RBPMS: variants seen among roughly 807,000 people sequenced by gnomAD.
RBPMS encodes the protein RNA-binding protein with multiple splicing.
RBPMS carries 7 observed loss-of-function variants against 26.8 expected under a neutral mutation model. The ratio of observed to expected loss-of-function variants is 0.26; its 90% confidence interval spans 0.15 to 0.49. The LOEUF (loss-of-function observed/expected upper bound fraction) is 0.49, where lower values mean the gene tolerates loss of function less well. Ranked by LOEUF, RBPMS falls within the 20% of genes least tolerant of loss-of-function variation. The pLI is 0.98. For missense variants in RBPMS, 186 were observed against 250.0 expected (o/e 0.74, Z 1.73); for synonymous variants, 96 against 93.3 (o/e 1.03, Z -0.17).
chr8:30,485,547 T>C (rs1179871653), intron 4 of RBPMS, among the ~76,000 whole-genome samples: 2 of 152,240 alleles, frequency 1.3e-5, no homozygotes, highest in Non-Finnish European at 2.9e-5. Flanking sequence ...TTGCAGACTT[T>C]TAAGGCAGCC....
At chr8:30,393,296 T>G (rs1276253292) in intron 1 of RBPMS, among the ~76,000 whole-genome samples, 5 of 152,100 alleles carry the variant, frequency 3.3e-5, no homozygotes, top group Non-Finnish European at 7.4e-5. Flanking sequence ...CTCCCAAACT[T>G]GCCATTAATT....
At chr8:30,443,053 T>A (rs1344687084) in intron 1 of RBPMS, among the ~76,000 whole-genome samples, 1 of 152,190 alleles carries the variant, frequency 6.6e-6, no homozygotes, top group Non-Finnish European at 1.5e-5. Flanking sequence ...AGCACGTGCT[T>A]AAGTATTCTC....
chr8:30,390,639 C>G (rs1392443888), intron 1 of RBPMS, among the ~76,000 whole-genome samples: 7 of 152,276 alleles, frequency 4.6e-5, no homozygotes, highest in African/African-American at 1.7e-4. Context: ...TACATTTTTG[C>G]AAGATCCCCC....
rs142028535 is a variant in RBPMS at position 30,497,166 on chromosome 8, C to A, written c.247-7120C>A. On this transcript the variant is annotated intron_variant, in intron 4 of 8. Coordinates refer to ENST00000397323, the MANE Select transcript of RBPMS (RefSeq NM_001008710.3). ...AACTTCTAAAAAGGCAAAAAAAATTCTTTCTGCTTCATTTCCTTTTCTCCT... is the reference window on the plus strand; with the variant it reads ...AACTTCTAAAAAGGCAAAAAAAATTATTTCTGCTTCATTTCCTTTTCTCCT... 7.2e-5 allele frequency among the ~76,000 whole-genome samples: 11 copies of A among 152,270 alleles called. No individual in the cohort carries two copies. The East Asian group carries it at 1.5e-3, about 21-fold the overall frequency.
At chr8:30,458,497 A>G (rs1191114374) in intron 1 of RBPMS, among the ~76,000 whole-genome samples, 1 of 152,088 alleles carries the variant, frequency 6.6e-6, no homozygotes, top group African/African-American at 2.4e-5. Context: ...TGGGATTCAA[A>G]CCCAGGCAGT....
chr8:30,386,069 CAGTTG>C (rs747109943), intron 1 of RBPMS, among the ~76,000 whole-genome samples: 6 of 152,198 alleles, frequency 3.9e-5, no homozygotes, highest in Non-Finnish European at 5.9e-5. Flanking sequence ...ACATCCCACA[CAGTTG>C]AGTTCTTAAA....
intron 6 of RBPMS, among the ~76,000 whole-genome samples, chr8:30,548,961 G>C (rs1414305874): frequency 6.6e-6 from 1 of 152,244 alleles, no homozygotes; most frequent in East Asian, 1.9e-4. Flanking sequence ...GGGGTGTCTC[G>C]AGGGCAGTGC....
chr8:30,464,528 A>G (rs1816286001), intron 1 of RBPMS, among the ~76,000 whole-genome samples: 1 of 152,192 alleles, frequency 6.6e-6, no homozygotes, highest in African/African-American at 2.4e-5. Context: ...AGTTCCTCAG[A>G]TAGAGTTTGT....
At chr8:30,510,699 C>G (rs1487456100) in intron 5 of RBPMS, among the ~76,000 whole-genome samples, 1 of 152,126 alleles carries the variant, frequency 6.6e-6, no homozygotes, top group East Asian at 1.9e-4. Flanking sequence ...TCTACCTCAG[C>G]CTTCCAAATA....
intron 6 of RBPMS, chr8:30,547,265 G>C: frequency 6.8e-7 from 1 of 1,476,908 alleles, no homozygotes; most frequent in East Asian, 2.3e-5. Flanking sequence ...GCTCTATTTT[G>C]AGACATGGAT....
At chr8:30,452,772 G>T (rs1814738931) in intron 1 of RBPMS, among the ~76,000 whole-genome samples, 1 of 152,214 alleles carries the variant, frequency 6.6e-6, no homozygotes, top group Non-Finnish European at 1.5e-5. Flanking sequence ...ATTTATCAGA[G>T]AATGTGGGAG....
rs575167675 is a variant in RBPMS at position 30,555,938 on chromosome 8, C to T, written c.529-2949C>T. 61 of 985,478 alleles carry T rather than the reference C, an allele frequency of 6.2e-5. No individual in the cohort carries two copies. In the African/African-American group the frequency reaches 1.0e-3, roughly 16 times the overall value. The allele number at this position is 985,478 out of a possible 1,614,324, so 61.0% of individuals were successfully genotyped here. ...CACCGGGCCGGCTGCCCGAACTCTG[C>T]TGTGCACCATGAGCCCTGCCGCTCT... On this transcript the variant is annotated intron_variant, in intron 6 of 8. Transcript: ENST00000397323.
rs1301504356 is a variant in RBPMS, at chr8:30,467,141, CA to C, written c.67-7637del. On this transcript the variant is annotated intron_variant, in intron 1 of 8. Coordinates refer to ENST00000397323, the MANE Select transcript of RBPMS (RefSeq NM_001008710.3). ...GCTGCAATCAGAATTAAATGCTTGA[CA>C]GGCCATATTAATGGTTGCAGTAATC... Among the ~76,000 whole-genome samples the C allele has an allele frequency of 7.2e-5, 11 of 152,336 alleles. No individual in the cohort carries two copies. In the South Asian group the frequency reaches 2.3e-3, roughly 32 times the overall value.
At chr8:30,507,159 A>G (rs1481215647) in intron 5 of RBPMS, among the ~76,000 whole-genome samples, 1 of 152,174 alleles carries the variant, frequency 6.6e-6, no homozygotes, top group Non-Finnish European at 1.5e-5. Flanking sequence ...CCTGCTGTGG[A>G]GAACTTTGGC....
intron 1 of RBPMS, among the ~76,000 whole-genome samples, chr8:30,421,164 TGA>T (rs376542372): frequency 5.3e-5 from 8 of 151,256 alleles, no homozygotes; most frequent in Admixed American, 2.7e-4. Flanking sequence ...TGTGTGTGTG[TGA>T]GAGAGAGTGT....
intron 5 of RBPMS, among the ~76,000 whole-genome samples, chr8:30,513,319 G>T (rs765137797): frequency 2.0e-5 from 3 of 151,990 alleles, no homozygotes; most frequent in Non-Finnish European, 2.9e-5. Flanking sequence ...TGCCAGGCAC[G>T]GTAGCTCACA....
chr8:30,448,087 C>G (rs1450250104), intron 1 of RBPMS, among the ~76,000 whole-genome samples: 5 of 152,136 alleles, frequency 3.3e-5, no homozygotes, highest in African/African-American at 1.2e-4. Context: ...AGCAAATAAA[C>G]AAAAATTATT....
At chr8:30,568,094 G>A (rs558656122) in intron 8 of RBPMS, among the ~76,000 whole-genome samples, 10 of 152,266 alleles carry the variant, frequency 6.6e-5, no homozygotes, top group Middle Eastern at 3.4e-3. Context: ...TCAATGACAC[G>A]TTTGAAAATC....
At chr8:30,518,388 G>A (rs1585737892) in intron 5 of RBPMS, among the ~76,000 whole-genome samples, 1 of 152,118 alleles carries the variant, frequency 6.6e-6, no homozygotes, top group East Asian at 1.9e-4. Context: ...CAGTTAGCTA[G>A]GAGTATGACT....
Sources: gnomAD v4.1 joint callset for allele counts (sites outside exome capture counted in the v4.1 genomes callset) on GRCh38, gnomAD v4.1.1 for gene constraint, MANE v1.5 for transcripts, NCBI Gene and HGNC (gene_info 2026-07-23, HGNC 2026-07-21) for gene names.